DCC: variants seen among roughly 807,000 people sequenced by gnomAD.
DCC encodes DCC netrin 1 receptor, also known as netrin receptor DCC.
Under a neutral mutation model 172.5 loss-of-function variants are expected in DCC, and 58 were observed. The observed-to-expected ratio is 0.34, with a 90% CI of 0.27 to 0.42. The LOEUF is 0.42. Ranked by LOEUF, DCC falls within the 10% of genes least tolerant of loss-of-function variation. The probability of loss-of-function intolerance (pLI) is 1.00; values close to 1 mark genes in which losing one functional copy is unlikely to be tolerated. For synonymous variants in DCC, 709 were observed against 644.5 expected (o/e 1.10, Z -1.52); for missense variants, 1,740 against 1,791.0 (o/e 0.97, Z 0.51).
At chr18:53,201,979 T>C (rs749291254) in intron 9 of DCC, among the ~76,000 whole-genome samples, 1 of 152,172 alleles carries the variant, frequency 6.6e-6, no homozygotes, top group Admixed American at 6.6e-5. Flanking sequence ...TTTGGAGTCA[T>C]GAAACATATG....
chr18:52,402,541 A>T (rs1986481544), intron 1 of DCC, among the ~76,000 whole-genome samples: 2 of 152,086 alleles, frequency 1.3e-5, no homozygotes, highest in African/African-American at 4.8e-5. Context: ...TGCTCTTCTA[A>T]AGGTTGGCTT....
At chr18:52,362,808 A>T (rs1253780514) in intron 1 of DCC, among the ~76,000 whole-genome samples, 1 of 151,968 alleles carries the variant, frequency 6.6e-6, no homozygotes, top group Non-Finnish European at 1.5e-5. Flanking sequence ...CTCCCTCCAT[A>T]AACCAAAAGA....
intron 1 of DCC, among the ~76,000 whole-genome samples, chr18:52,564,667 T>G (rs1341551394): frequency 1.0e-4 from 11 of 110,494 alleles, no homozygotes; most frequent in African/African-American, 3.0e-4. Context: ...ATTATAATAT[T>G]GGGGGGGGGG....
chr18:53,127,132 C>T (rs1054137548), intron 7 of DCC, among the ~76,000 whole-genome samples: 13 of 107,518 alleles, frequency 1.2e-4, no homozygotes, highest in South Asian at 4.4e-4. Context: ...AGCTTTTGAT[C>T]GTTGTTTTTT....
At chr18:52,891,773 A>C (rs1433023524) in intron 2 of DCC, among the ~76,000 whole-genome samples, 1 of 152,128 alleles carries the variant, frequency 6.6e-6, no homozygotes, top group African/African-American at 2.4e-5. Context: ...ACATCAAAAT[A>C]TAGCTAGACT....
chr18:52,360,951 CAATT>C (rs1203104617), intron 1 of DCC, among the ~76,000 whole-genome samples: 1 of 152,104 alleles, frequency 6.6e-6, no homozygotes, highest in African/African-American at 2.4e-5. Flanking sequence ...CAGTTAAAGT[CAATT>C]AATCCTCAAA....
At chr18:53,090,732 A>AAAAAAAAAAAAAAAAAAAAAT (rs1568298492) in intron 7 of DCC, among the ~76,000 whole-genome samples, 15 of 129,154 alleles carry the variant, frequency 1.2e-4, no homozygotes, top group Non-Finnish European at 2.2e-4. Context: ...AAAAAAAAAA[A>AAAAAAAAAAAAAAAAAAAAAT]AAGAATGTAT....
At chr18:53,019,342 AC>A (rs2041848416) in intron 5 of DCC, among the ~76,000 whole-genome samples, 1 of 152,110 alleles carries the variant, frequency 6.6e-6, no homozygotes, top group African/African-American at 2.4e-5. Context: ...CATTGGAACT[AC>A]CCCTGTTACT....
intron 8 of DCC, among the ~76,000 whole-genome samples, chr18:53,160,205 G>A (rs908967845): frequency 6.6e-6 from 1 of 151,940 alleles, no homozygotes; most frequent in Admixed American, 6.6e-5. Context: ...TTGGCTACTT[G>A]CTGCCATGGT....
chr18:53,260,677 C>T (rs1447442616), intron 12 of DCC, among the ~76,000 whole-genome samples: 2 of 152,188 alleles, frequency 1.3e-5, no homozygotes, highest in Non-Finnish European at 2.9e-5. Flanking sequence ...GGCAGCCTGT[C>T]CATTGTCAGA....
intron 9 of DCC, among the ~76,000 whole-genome samples, chr18:53,201,148 C>T (rs3794923): frequency 0.29 from 44,175 of 151,902 alleles, 7,933 homozygotes; most frequent in Non-Finnish European, 0.41. Flanking sequence ...CACTCATCTC[C>T]CAGTCCTCCT....
intron 2 of DCC, among the ~76,000 whole-genome samples, chr18:52,761,387 C>T (rs964033454): frequency 2.6e-5 from 4 of 152,084 alleles, no homozygotes; most frequent in African/African-American, 9.7e-5. Flanking sequence ...GTCATTATGC[C>T]TATCATTGCT....
intron 22 of DCC, among the ~76,000 whole-genome samples, chr18:53,438,751 G>A (rs184157916): frequency 9.1e-4 from 139 of 152,316 alleles, no homozygotes; most frequent in Middle Eastern, 3.4e-3. Flanking sequence ...TTTCAAAGGT[G>A]TCAGATGTTA....
intron 15 of DCC, among the ~76,000 whole-genome samples, chr18:53,381,348 G>A (rs566789370): frequency 3.9e-5 from 6 of 151,972 alleles, no homozygotes; most frequent in Admixed American, 1.3e-4. Context: ...CTGGGTGGTG[G>A]GAACAGAAAA....
chr18:52,559,198 G>T (rs540569840), intron 1 of DCC, among the ~76,000 whole-genome samples: 1 of 152,080 alleles, frequency 6.6e-6, no homozygotes, highest in South Asian at 2.1e-4. Context: ...TGCAACCTCC[G>T]CCTCCCAGGT....
chr18:53,259,803 T>A (rs2056571422), intron 12 of DCC, among the ~76,000 whole-genome samples: 1 of 152,242 alleles, frequency 6.6e-6, no homozygotes, highest in Non-Finnish European at 1.5e-5. Flanking sequence ...TCCTGCAGTA[T>A]GTTTTCCAAC....
chr18:53,136,453 C>T lies in DCC; in HGVS notation c.1262-20903C>T, dbSNP rs373308801. On this transcript the variant is annotated intron_variant, in intron 7 of 28. Transcript: ENST00000442544. ...TTTAAGTATATTGCATTTTTAGTTT[C>T]GCAAGACAATGAAAAAATTAGCCTA... Among the ~76,000 whole-genome samples the T allele has an allele frequency of 7.0e-4, 106 of 151,974 alleles. 1 individual carries two copies. The highest frequency in any genetic ancestry group is 4.7e-3 in the East Asian group (24 of 5,158).
At chr18:53,475,283 A>G (rs1428943798) in intron 25 of DCC, among the ~76,000 whole-genome samples, 1 of 152,232 alleles carries the variant, frequency 6.6e-6, no homozygotes, top group Non-Finnish European at 1.5e-5. Context: ...AGAAATTTGC[A>G]TAATCAATGA....
At chr18:53,453,664 A>T (rs937620779) in intron 23 of DCC, among the ~76,000 whole-genome samples, 1 of 152,198 alleles carries the variant, frequency 6.6e-6, no homozygotes, top group Non-Finnish European at 1.5e-5. Flanking sequence ...ATTATATAAA[A>T]TAGCTAATGA....
Sources: allele counts gnomAD v4.1 joint callset (sites outside exome capture counted in the v4.1 genomes callset), GRCh38; gene constraint gnomAD v4.1.1; transcripts MANE v1.5; gene names NCBI Gene and HGNC (gene_info 2026-07-23, HGNC 2026-07-21).